Variants in TSPAN31 observed in about 807,000 individuals in gnomAD.
The protein encoded by TSPAN31 is tetraspanin-31.
In TSPAN31, 16 loss-of-function variants were observed where a neutral mutation model predicts 24.8. The ratio of observed to expected loss-of-function variants is 0.64; its 90% CI spans 0.44 to 0.98. TSPAN31 has a LOEUF of 0.98. Ranked by LOEUF, TSPAN31 falls within the 50% of genes least tolerant of loss-of-function variation. The pLI, the probability that TSPAN31 is intolerant of heterozygous loss-of-function variation, is 0.00. For synonymous variants in TSPAN31, 87 were observed against 91.4 expected (o/e 0.95, Z 0.27); for missense variants, 209 against 251.6 (o/e 0.83, Z 1.15).
At chr12:57,746,905 G>A in intron 4 of TSPAN31, 113 bp from the exon 5 acceptor site, 1 of 1,350,522 alleles carries the variant, frequency 7.4e-7, no homozygotes. Context: ...TAGGATTTTA[G>A]TTTGTAGGAC....
chr12:57,745,039 A>G lies in TSPAN31; in HGVS notation c.-116A>G, dbSNP rs1955129559. 1 of 960,818 alleles carries G rather than the reference A, an allele frequency of 1.0e-6. No homozygotes were observed. The highest frequency in any genetic ancestry group is 1.6e-6 in the Non-Finnish European group (1 of 619,072). The allele number at this position is 960,818 out of a possible 1,614,324, so 59.5% of individuals were successfully genotyped here. A position where few individuals can be genotyped will look rare whatever the true frequency, so the allele number is the denominator to read the frequency against. ...GGGAGGGACGGTGCAGGCGCAGAGT[A>G]TTGGGTTTGGCTGGCCTCGATTTAA... On this transcript the variant is annotated 5_prime_UTR_variant, in exon 1 of 6. Coordinates refer to ENST00000257910, the MANE Select transcript of TSPAN31 (RefSeq NM_005981.5).
chr12:57,746,126 G>A (rs750455282), intron 2 of TSPAN31, 50 bp from the exon 3 acceptor site: 8 of 1,539,594 alleles, frequency 5.2e-6, no homozygotes, highest in Non-Finnish European at 7.2e-6. Context: ...AGTTATTATA[G>A]ATGAAACATA....
In TSPAN31 at chr12:57,745,842, T is replaced by G. The variant is rs1565803186; in HGVS notation, c.161T>G (p.Val54Gly). 1 of 1,613,610 alleles carries G rather than the reference T, an allele frequency of 6.2e-7. No homozygotes were observed. Among genetic ancestry groups the G allele is most frequent in the Non-Finnish European group, 8.5e-7 (1 of 1,179,906 alleles). Reference sequence around the variant, plus strand: ...ATCGGCGGAGTCATTGCTGTGGGAGTCTTCCTTCTCCTTATTGCAGTGGCT... The same window carrying G: ...ATCGGCGGAGTCATTGCTGTGGGAGGCTTCCTTCTCCTTATTGCAGTGGCT... Reference protein sequence around the residue: ...HIIGGVIAVGVFLLLIAVAGL... With the variant: ...HIIGGVIAVGGFLLLIAVAGL... Residue 54 changes from valine (V) to glycine (G), a missense_variant, in exon 2 of 6, where the codon GTC (valine) becomes GGC (glycine). Physicochemically the swap from Val to Gly is moderately radical, Grantham distance 109 (BLOSUM62 -3). Transcript: ENST00000257910.
Position 57,747,675 on chromosome 12 carries a change from C to T in TSPAN31, c.*385C>T, listed in dbSNP as rs897807001. ...GGAGAAAACAACCAAGAACTCTTTCCTGTAATAAGCAGGATCCAGTTTGAG... is the reference window on the plus strand; with the variant it reads ...GGAGAAAACAACCAAGAACTCTTTCTTGTAATAAGCAGGATCCAGTTTGAG... On this transcript the variant is annotated 3_prime_UTR_variant, in exon 6 of 6. Transcript: ENST00000257910. 5.7e-6 allele frequency: 1 copy of T among 176,776 alleles called. No homozygotes were observed. The highest frequency in any genetic ancestry group is 2.4e-5 in the African/African-American group (1 of 42,234). 11.0% of individuals were successfully genotyped at this position (176,776 alleles called of 1,614,324 possible). A position where few individuals can be genotyped will look rare whatever the true frequency, so the allele number is the denominator to read the frequency against.
rs1255074190 is a variant in TSPAN31, at chr12:57,748,624, G to C, written c.*1334G>C. 6.2e-7 allele frequency: 1 copy of C among 1,606,236 alleles called. No homozygotes were observed. The highest frequency in any genetic ancestry group is 8.5e-7 in the Non-Finnish European group (1 of 1,172,838). On this transcript the variant is annotated 3_prime_UTR_variant, in exon 6 of 6. Coordinates refer to ENST00000257910, the MANE Select transcript of TSPAN31 (RefSeq NM_005981.5). ...GGTTAAAAGTCAGCATTTCCTGAGG[G>C]GAGAGGCAAAGGTCAGAAAACCATG...
chr12:57,745,636 C>T, intron 1 of TSPAN31, 109 bp from the exon 2 acceptor site: 2 of 1,376,618 alleles, frequency 1.5e-6, no homozygotes, highest in Non-Finnish European at 2.0e-6. Context: ...CCCATTCACA[C>T]ACTATTCCAT....
chr12:57,748,701 C>G lies in TSPAN31; in HGVS notation c.*1411C>G, dbSNP rs1280286879. 1.2e-6 allele frequency: 1 copy of G among 826,484 alleles called. No homozygotes were observed. The highest frequency in any genetic ancestry group is 1.8e-5 in the African/African-American group (1 of 55,050). 51.2% of individuals were successfully genotyped at this position (826,484 alleles called of 1,614,324 possible). A position where few individuals can be genotyped will look rare whatever the true frequency, so the allele number is the denominator to read the frequency against. On this transcript the variant is annotated 3_prime_UTR_variant, in exon 6 of 6. Transcript: ENST00000257910. The stretch of plus-strand genomic sequence containing the variant: ...AACAATACCTGGGATGAGCTTTCTT[C>G]TTTTTTCTTTTTTTTTTTTTTTGAG...
intron 1 of TSPAN31, 182 bp downstream of exon 1, chr12:57,745,399 G>C: frequency 1.5e-6 from 1 of 676,702 alleles, no homozygotes; most frequent in Non-Finnish European, 2.5e-6. Context: ...TGATTAAGGG[G>C]GTTTGTCTGA....
Position 57,749,598 on chromosome 12 carries a change from A to C in TSPAN31, c.*2308A>C. ...GTGGCTCAAAATAGGAAGTATAGGG[A>C]ATAAAGGCCAACAATTCCAGCACTT... On this transcript the variant is annotated 3_prime_UTR_variant, in exon 6 of 6. Transcript: ENST00000257910. 8.3e-7 allele frequency: 1 copy of C among 1,204,102 alleles called. No homozygotes were observed. The allele number at this position is 1,204,102 out of a possible 1,614,324, so 74.6% of individuals were successfully genotyped here. A position where few individuals can be genotyped will look rare whatever the true frequency, so the allele number is the denominator to read the frequency against.
chr12:57,748,941 G>A lies in TSPAN31; in HGVS notation c.*1651G>A. 1.7e-6 allele frequency: 1 copy of A among 587,406 alleles called. No individual in the cohort carries two copies. The highest frequency in any genetic ancestry group is 3.0e-5 in the East Asian group (1 of 33,676). The allele number at this position is 587,406 out of a possible 1,614,324, so 36.4% of individuals were successfully genotyped here. ...GGCTGGTCTCGAACTCCTGACCTCA[G>A]GTGATACGCCCACCTTGGCCTCCCA... On this transcript the variant is annotated 3_prime_UTR_variant, in exon 6 of 6. Coordinates refer to ENST00000257910, the MANE Select transcript of TSPAN31 (RefSeq NM_005981.5).
In TSPAN31 at chr12:57,746,585, T is replaced by C. The variant is rs757816996; in HGVS notation, c.313-4T>C. Reference sequence around the variant, plus strand: ...CTTAATTTCCCTCTACCCATATCTTTCAGACAGATGTCATCAATGCTTCTT... The same window carrying C: ...CTTAATTTCCCTCTACCCATATCTTCCAGACAGATGTCATCAATGCTTCTT... On this transcript the variant is annotated splice_polypyrimidine_tract_variant and splice_region_variant and intron_variant, in intron 3 of 5. Transcript: ENST00000257910. The C allele has an allele frequency of 1.2e-6, 2 of 1,614,016 alleles. No homozygotes were observed. The highest frequency in any genetic ancestry group is 1.7e-6 in the Non-Finnish European group (2 of 1,180,036).
rs778705354 is a variant in TSPAN31 at position 57,745,109 on chromosome 12, C to T, written c.-46C>T. ...GTCCTGGAAGACGGTCCCCAATACCCTCCCCCCAAGTCCTTGGGACCACTT... is the reference window on the plus strand; with the variant it reads ...GTCCTGGAAGACGGTCCCCAATACCTTCCCCCCAAGTCCTTGGGACCACTT... On this transcript the variant is annotated 5_prime_UTR_variant, in exon 1 of 6. Coordinates refer to ENST00000257910, the MANE Select transcript of TSPAN31 (RefSeq NM_005981.5). 3 of 1,549,388 alleles carry T rather than the reference C, an allele frequency of 1.9e-6. No homozygotes were observed. The highest frequency in any genetic ancestry group is 1.4e-5 in the African/African-American group (1 of 73,450).
rs1241614032 is a variant in TSPAN31 at position 57,745,988 on chromosome 12, G to A, written c.231+76G>A. 4 of 1,528,426 alleles carry A rather than the reference G, an allele frequency of 2.6e-6. No individual in the cohort carries two copies. The African/African-American group carries it at 5.5e-5, about 21-fold the overall frequency. 94.7% of individuals were successfully genotyped at this position (1,528,426 alleles called of 1,614,324 possible). A position where few individuals can be genotyped will look rare whatever the true frequency, so the allele number is the denominator to read the frequency against. On this transcript the variant is annotated intron_variant, in intron 2 of 5. Transcript: ENST00000257910. ...ATCTAAGGAAGATGTTAGAAGGGTA[G>A]GGGACCTCAGGGATCTTGGACACGT...
At chr12:57,746,447 A>T in intron 3 of TSPAN31, 142 bp from the exon 4 acceptor site, 1 of 1,222,512 alleles carries the variant, frequency 8.2e-7, no homozygotes, top group Non-Finnish European at 1.2e-6. Flanking sequence ...GAACCTCAAA[A>T]GGTAGATATT....
Position 57,745,127 on chromosome 12 carries a change from G to A in TSPAN31, c.-28G>A, listed in dbSNP as rs1955131215. 2 of 1,584,064 alleles carry A rather than the reference G, an allele frequency of 1.3e-6. No homozygotes were observed. The highest frequency in any genetic ancestry group is 1.7e-6 in the Non-Finnish European group (2 of 1,163,620). On this transcript the variant is annotated 5_prime_UTR_variant, in exon 1 of 6. Coordinates refer to ENST00000257910, the MANE Select transcript of TSPAN31 (RefSeq NM_005981.5). Reference sequence around the variant, plus strand: ...CAATACCCTCCCCCCAAGTCCTTGGGACCACTTGGGTCCCCAGAGCTGGGG... The same window carrying A: ...CAATACCCTCCCCCCAAGTCCTTGGAACCACTTGGGTCCCCAGAGCTGGGG...
chr12:57,745,935 G>A (rs1955142871), intron 2 of TSPAN31, 23 bp downstream of exon 2: 2 of 1,571,192 alleles, frequency 1.3e-6, no homozygotes, highest in Non-Finnish European at 8.6e-7. Flanking sequence ...GAAGTGATGG[G>A]GGCAACCGGG....
In TSPAN31 at chr12:57,749,665, T is replaced by C; in HGVS notation, c.*2375T>C. On this transcript the variant is annotated 3_prime_UTR_variant, in exon 6 of 6. Coordinates refer to ENST00000257910, the MANE Select transcript of TSPAN31 (RefSeq NM_005981.5). ...GAGGACTGCTTGAGCCCAGGAGTTC[T>C]AGATCAGCCTGGGCAAGCAAGACCT... 1.4e-6 allele frequency: 1 copy of C among 721,112 alleles called. No individual in the cohort carries two copies. Among genetic ancestry groups the C allele is most frequent in the Non-Finnish European group, 2.5e-6 (1 of 401,630 alleles). 44.7% of individuals were successfully genotyped at this position (721,112 alleles called of 1,614,324 possible). A position where few individuals can be genotyped will look rare whatever the true frequency, so the allele number is the denominator to read the frequency against.
chr12:57,745,040 T>C lies in TSPAN31; in HGVS notation c.-115T>C, dbSNP rs1955129585. ...GGAGGGACGGTGCAGGCGCAGAGTA[T>C]TGGGTTTGGCTGGCCTCGATTTAAA... On this transcript the variant is annotated 5_prime_UTR_variant, in exon 1 of 6. Coordinates refer to ENST00000257910, the MANE Select transcript of TSPAN31 (RefSeq NM_005981.5). 1 of 978,482 alleles carries C rather than the reference T, an allele frequency of 1.0e-6. No individual in the cohort carries two copies. Among genetic ancestry groups the C allele is most frequent in the South Asian group, 1.4e-5 (1 of 70,160 alleles). The allele number at this position is 978,482 out of a possible 1,614,324, so 60.6% of individuals were successfully genotyped here.
intron 3 of TSPAN31, 159 bp from the exon 4 acceptor site, chr12:57,746,430 A>G: frequency 8.6e-7 from 1 of 1,167,388 alleles, no homozygotes; most frequent in African/African-American, 1.5e-5. Flanking sequence ...CATGAGGATG[A>G]TCTAGAGAAC....
Sources: allele counts gnomAD v4.1 joint callset, GRCh38; gene constraint gnomAD v4.1.1; transcripts MANE v1.5; gene names NCBI Gene and HGNC (gene_info 2026-07-23, HGNC 2026-07-21).